GNA14: variants seen among roughly 807,000 people sequenced by gnomAD.
The protein encoded by GNA14 is G protein subunit alpha 14.
GNA14 carries 50 observed loss-of-function variants against 42.0 expected under a neutral mutation model. The observed-to-expected ratio is 1.19, with a 90% CI of 0.95 to 1.51. The LOEUF is 1.51. Among genes scored for constraint, GNA14 ranks in the 40% most tolerant of loss-of-function variants. The probability of loss-of-function intolerance (pLI) is 0.00; values close to 1 mark genes in which losing one functional copy is unlikely to be tolerated. For synonymous variants in GNA14, 173 were observed against 163.1 expected, an observed-to-expected ratio of 1.06 and a Z score of -0.46; for missense variants, 473 against 446.2, an observed-to-expected ratio of 1.06 and a Z score of -0.54.
intron 5 of GNA14, among the ~76,000 whole-genome samples, chr9:77,427,398 A>C (rs1324312869): frequency 6.6e-6 from 1 of 152,142 alleles, no homozygotes; most frequent in Non-Finnish European, 1.5e-5. Context: ...ACAATGACAC[A>C]ATTAAATGGG....
At chr9:77,485,852 C>T (rs1836651021) in intron 2 of GNA14, among the ~76,000 whole-genome samples, 2 of 152,158 alleles carry the variant, frequency 1.3e-5, no homozygotes, top group African/African-American at 4.8e-5. Flanking sequence ...GTAAATCATT[C>T]TGTCTACAGA....
chr9:77,638,298 C>T (rs1463805901), intron 1 of GNA14, among the ~76,000 whole-genome samples: 1 of 152,132 alleles, frequency 6.6e-6, no homozygotes, highest in African/African-American at 2.4e-5. Context: ...GACAAGTCAA[C>T]AAGTAAGCAA....
chr9:77,478,923 A>G (rs1176802372), intron 2 of GNA14, among the ~76,000 whole-genome samples: 2 of 152,090 alleles, frequency 1.3e-5, no homozygotes, highest in Non-Finnish European at 2.9e-5. Flanking sequence ...GATTCTGGAT[A>G]TTAGCCCTTT....
intron 2 of GNA14, among the ~76,000 whole-genome samples, chr9:77,523,848 A>G (rs929509111): frequency 6.6e-6 from 1 of 152,114 alleles, no homozygotes; most frequent in African/African-American, 2.4e-5. Flanking sequence ...GAAATTCTGT[A>G]TCTACATCAT....
At chr9:77,434,649 G>A (rs2281938) in intron 2 of GNA14, 127 bp from the exon 3 acceptor site, 141,837 of 756,504 alleles carry the variant, frequency 0.19, 14,916 homozygotes, top group Admixed American at 0.28. Flanking sequence ...GGCGTGGTGG[G>A]CACCCTCCCA....
intron 2 of GNA14, among the ~76,000 whole-genome samples, chr9:77,461,281 C>T (rs561126186): frequency 2.0e-5 from 3 of 152,176 alleles, no homozygotes; most frequent in East Asian, 3.9e-4. Flanking sequence ...TGCAGAATCT[C>T]GGCTCCCACC....
intron 1 of GNA14, among the ~76,000 whole-genome samples, chr9:77,578,964 C>T (rs755872237): frequency 7.2e-5 from 11 of 152,142 alleles, no homozygotes; most frequent in Non-Finnish European, 1.5e-4. Context: ...GCCCTTATCT[C>T]GGACTATAAG....
chr9:77,429,009 C>T lies in GNA14; in HGVS notation c.621G>A (p.Ser207=), dbSNP rs371304229. Residue 207 remains serine, a synonymous_variant, in exon 5 of 7, where the codon TCG becomes TCA. Coordinates refer to ENST00000341700, the MANE Select transcript of GNA14 (RefSeq NM_004297.4). ...AGCAGTGAATCCACTTCCGTCTTTC[C>T]GATCGTTGGCCACCAACATCCACCA... ...FRMVDVGGQR[S]ERRKWIHCFE... 91 of 1,614,028 alleles carry T rather than the reference C, an allele frequency of 5.6e-5. No homozygotes were observed. The African/African-American group carries it at 6.9e-4, about 12-fold the overall frequency.
chr9:77,586,226 T>C (rs185037051), intron 1 of GNA14, among the ~76,000 whole-genome samples: 34 of 152,304 alleles, frequency 2.2e-4, no homozygotes, highest in Admixed American at 1.4e-3. Flanking sequence ...AGAGCACCAA[T>C]TAGGGGTCTA....
At chr9:77,475,713 G>T (rs754783399) in intron 2 of GNA14, among the ~76,000 whole-genome samples, 1 of 152,136 alleles carries the variant, frequency 6.6e-6, no homozygotes, top group Non-Finnish European at 1.5e-5. Context: ...AATCATCTAG[G>T]GCACAAAATT....
chr9:77,471,602 T>C (rs1182873361), intron 2 of GNA14, among the ~76,000 whole-genome samples: 1 of 152,056 alleles, frequency 6.6e-6, no homozygotes, highest in African/African-American at 2.4e-5. Flanking sequence ...GGACAGTGGG[T>C]GAGGAGCTTG....
Position 77,516,921 on chromosome 9 carries a change from AAAG to A in GNA14, c.309+12145_309+12147del, listed in dbSNP as rs1274608737. On this transcript the variant is annotated intron_variant, in intron 2 of 6. Coordinates refer to ENST00000341700, the MANE Select transcript of GNA14 (RefSeq NM_004297.4). The stretch of plus-strand genomic sequence containing the variant: ...ATGGGAAAGTGAGGATCGTGGTTGA[AAAG>A]AACAGGCTCTTGATTTCCCTTAACA... Among the ~76,000 whole-genome samples, 52 of 152,320 alleles carry A rather than the reference AAAG, an allele frequency of 3.4e-4. 1 individual carries two copies. The highest frequency in any genetic ancestry group is 1.2e-3 in the African/African-American group (50 of 41,582).
chr9:77,581,024 A>G (rs1823216622), intron 1 of GNA14, among the ~76,000 whole-genome samples: 1 of 151,956 alleles, frequency 6.6e-6, no homozygotes, highest in African/African-American at 2.4e-5. Context: ...ACACACACAC[A>G]CACACACACA....
intron 1 of GNA14, among the ~76,000 whole-genome samples, chr9:77,584,098 A>G (rs988554945): frequency 2.6e-5 from 4 of 152,176 alleles, no homozygotes; most frequent in African/African-American, 9.7e-5. Context: ...AAATTCTGCA[A>G]CTCAGAGCAG....
In GNA14 at chr9:77,647,866, C is replaced by G. The variant is rs1255585482; in HGVS notation, c.-73G>C. On this transcript the variant is annotated 5_prime_UTR_variant, in exon 1 of 7. Coordinates refer to ENST00000341700, the MANE Select transcript of GNA14 (RefSeq NM_004297.4). ...CGAATCCTCGGCCCGGCCGCTCACC[C>G]GGCCAGCATGCGACGGGCACAGGGG... The G allele has an allele frequency of 3.9e-6, 6 of 1,536,240 alleles. No individual in the cohort carries two copies. Among genetic ancestry groups the G allele is most frequent in the East Asian group, 2.4e-5 (1 of 41,908 alleles).
intron 2 of GNA14, among the ~76,000 whole-genome samples, chr9:77,484,078 G>T (rs1452570973): frequency 6.6e-6 from 1 of 152,136 alleles, no homozygotes; most frequent in Admixed American, 6.5e-5. Flanking sequence ...GAACATGAAA[G>T]GATGTGCTCC....
chr9:77,457,227 A>T (rs967785676), intron 2 of GNA14, among the ~76,000 whole-genome samples: 2 of 152,254 alleles, frequency 1.3e-5, no homozygotes, highest in African/African-American at 4.8e-5. Flanking sequence ...GAGAGAGACA[A>T]GGAGAGAGAA....
intron 1 of GNA14, among the ~76,000 whole-genome samples, chr9:77,600,989 A>AG (rs1311682349): frequency 6.6e-6 from 1 of 152,220 alleles, no homozygotes; most frequent in African/African-American, 2.4e-5. Flanking sequence ...GGATAAGGAA[A>AG]GGGTCGTCCG....
intron 1 of GNA14, among the ~76,000 whole-genome samples, chr9:77,553,612 T>C (rs970632884): frequency 3.9e-5 from 6 of 152,200 alleles, no homozygotes; most frequent in Admixed American, 1.3e-4. Flanking sequence ...CATATTTTGT[T>C]TGCAAGAGGG....
Sources: gnomAD v4.1 joint callset for allele counts (sites outside exome capture counted in the v4.1 genomes callset) on GRCh38, gnomAD v4.1.1 for gene constraint, MANE v1.5 for transcripts, NCBI Gene and HGNC (gene_info 2026-07-23, HGNC 2026-07-21) for gene names.